The following MUC4 variants were observed in gnomAD, a reference collection of about 807,000 sequenced individuals.
MUC4 encodes mucin-4.
MUC4 carries 202 observed loss-of-function variants against 257.9 expected under a neutral mutation model. The observed-to-expected ratio is 0.78, with a 90% CI of 0.70 to 0.88. MUC4 has a LOEUF of 0.88. MUC4 is among the 40% of genes least tolerant of loss of function. The probability of loss-of-function intolerance (pLI) is 0.00; values close to 1 mark genes in which losing one functional copy is unlikely to be tolerated. For missense variants in MUC4, 5,976 were observed against 6,513.7 expected (o/e 0.92, Z 2.84); for synonymous variants, 2,351 against 2,757.1 (o/e 0.85, Z 4.62).
At chr3:195,799,052 T>TA (rs1211774483) in intron 1 of MUC4, among the ~76,000 whole-genome samples, 1 of 152,184 alleles carries the variant, frequency 6.6e-6, no homozygotes, top group African/African-American at 2.4e-5. Context: ...CATTTTCTGT[T>TA]AAACAGGAGC....
chr3:195,793,512 T>A (rs199827273), intron 1 of MUC4, among the ~76,000 whole-genome samples: 34 of 77,224 alleles, frequency 4.4e-4, no homozygotes, highest in East Asian at 2.2e-3. Context: ...AAAAAAAAAA[T>A]AAATAAATAA....
In MUC4 at chr3:195,760,469, G is replaced by GCGTCCAGCGCTA. The variant is rs879369914; in HGVS notation, c.14848+414_14848+415insTAGCGCTGGACG. The stretch of plus-strand genomic sequence containing the variant: ...GGCTGGAGTGCAGGGAGCTGGGAAG[G>GCGTCCAGCGCTA]GGTCCAGCGCTAGGATGGAGTGGAG... On this transcript the variant is annotated intron_variant, in intron 16 of 24. Transcript: ENST00000463781. 3.3e-5 allele frequency among the ~76,000 whole-genome samples: 5 copies of GCGTCCAGCGCTA among 150,876 alleles called. 1 individual carries two copies. The highest frequency in any genetic ancestry group is 6.6e-5 in the Admixed American group (1 of 15,144).
At chr3:195,802,954 A>C (rs1421243123) in intron 1 of MUC4, among the ~76,000 whole-genome samples, 2 of 151,524 alleles carry the variant, frequency 1.3e-5, no homozygotes, top group Admixed American at 1.3e-4. Flanking sequence ...CCCTTTTCTC[A>C]CGATCTGTAC....
chr3:195,759,777 G>A (rs1434175203), intron 16 of MUC4, among the ~76,000 whole-genome samples: 1 of 152,100 alleles, frequency 6.6e-6, no homozygotes, highest in African/African-American at 2.4e-5. Flanking sequence ...AAATTAGTCA[G>A]GCATGGTGGC....
rs752970875 is a variant in MUC4 at position 195,750,907 on chromosome 3, C to G, written c.15853G>C (p.Val5285Leu). Residue 5285 changes from valine to leucine, a missense_variant, in exon 23 of 25, where the codon GTG (valine) becomes CTG (leucine). By Grantham distance (32) the Val-to-Leu change is conservative. Around this residue, in one of 44 missense-constraint regions of MUC4, gnomAD observed 310 missense variants for 242.1 expected, o/e 1.28. Transcript: ENST00000463781. Reference sequence around the variant, plus strand: ...GACTCACGGGCTGTCACATCGCGCACGTCTTCCCCGGAGATGGGCTGGAAG... The same window carrying G: ...GACTCACGGGCTGTCACATCGCGCAGGTCTTCCCCGGAGATGGGCTGGAAG... ...VVFQPISGED[V>L]RDVTALNVST... The G allele has an allele frequency of 6.2e-7, 1 of 1,613,556 alleles. No homozygotes were observed. The highest frequency in any genetic ancestry group is 1.7e-5 in the Admixed American group (1 of 59,998).
In MUC4 at chr3:195,788,255, C is replaced by T. The variant is rs529638482; in HGVS notation, c.3325G>A (p.Asp1109Asn). The T allele has an allele frequency of 1.2e-5, 17 of 1,376,872 alleles. No individual in the cohort carries two copies. The African/African-American group carries it at 1.9e-4, about 15-fold the overall frequency. The allele number at this position is 1,376,872 out of a possible 1,614,324, so 85.3% of individuals were successfully genotyped here. A position where few individuals can be genotyped will look rare whatever the true frequency, so the allele number is the denominator to read the frequency against. Residue 1109 changes from aspartate to asparagine, a missense_variant, in exon 2 of 25, where the codon GAC becomes AAC. Asp to Asn is a conservative substitution (Grantham distance 23, BLOSUM62 1). Transcript: ENST00000463781. The stretch of plus-strand genomic sequence containing the variant: ...TGACCTGTGGATACTGAGGAAGTGT[C>T]GGTGACAGGAAGAGAGGTGGCGTGA... Reference protein sequence around the residue: ...TGHATSLPVTDTSSVSTGHTT... With the variant: ...TGHATSLPVTNTSSVSTGHTT...
intron 23 of MUC4, among the ~76,000 whole-genome samples, chr3:195,749,635 A>G (rs1715956649): frequency 6.6e-6 from 1 of 152,206 alleles, no homozygotes; most frequent in Admixed American, 6.5e-5. Context: ...TTAAAATATG[A>G]CACTATATTC....
intron 17 of MUC4, 56 bp downstream of exon 17, chr3:195,759,068 C>A: frequency 6.3e-7 from 1 of 1,597,482 alleles, no homozygotes; most frequent in Non-Finnish European, 8.5e-7. Flanking sequence ...AAATTTGACT[C>A]TGACCTCATC....
chr3:195,776,010 C>T (rs1463718252), intron 3 of MUC4, among the ~76,000 whole-genome samples: 109 of 36,602 alleles, frequency 3.0e-3, no homozygotes, highest in African/African-American at 0.01. Flanking sequence ...CCTTCCACAC[C>T]CATACCTTCC....
chr3:195,756,498 G>A (rs1295422950), intron 18 of MUC4, among the ~76,000 whole-genome samples: 1 of 151,986 alleles, frequency 6.6e-6, no homozygotes, highest in African/African-American at 2.4e-5. Flanking sequence ...AATAAAGTAA[G>A]GTTCTTTCCT....
chr3:195,803,774 C>T (rs993126531), intron 1 of MUC4, among the ~76,000 whole-genome samples: 5 of 152,220 alleles, frequency 3.3e-5, no homozygotes, highest in African/African-American at 4.8e-5. Context: ...AGCCATTGCT[C>T]GGAAGCTGCG....
Position 195,783,567 on chromosome 3 carries a change from C to T in MUC4, c.8013G>A (p.Thr2671=), listed in dbSNP as rs773690397. 50 of 81,496 alleles carry T rather than the reference C, an allele frequency of 6.1e-4. 6 individuals carry two copies. Among genetic ancestry groups the T allele is most frequent in the South Asian group, 5.6e-3 (49 of 8,804 alleles). The allele number at this position is 81,496 out of a possible 1,614,324, so 5.0% of individuals were successfully genotyped here. A position where few individuals can be genotyped will look rare whatever the true frequency, so the allele number is the denominator to read the frequency against. Residue 2671 remains threonine, a synonymous_variant, in exon 2 of 25, where the codon ACG becomes ACA. Coordinates refer to ENST00000463781, the MANE Select transcript of MUC4 (RefSeq NM_018406.7). ...AGGAAGGGCTAGTGACAGGAAGAGG[C>T]GTGGTGTCACCTGTGGATACTGAGG... is the stretch of plus-strand genomic sequence containing the variant. ...SLSSVSTGDT[T]PLPVTSPSSA... is the part of the protein sequence containing the mutation.
chr3:195,753,756 G>A (rs1405192662), intron 19 of MUC4: 2 of 188,214 alleles, frequency 1.1e-5, no homozygotes, highest in Non-Finnish European at 1.1e-5. Context: ...CTTTGCTGCC[G>A]GATCCCCACG....
intron 7 of MUC4, among the ~76,000 whole-genome samples, chr3:195,767,599 AT>A (rs1560262280): frequency 1.9e-5 from 2 of 103,674 alleles, no homozygotes; most frequent in Admixed American, 9.3e-5. Context: ...CACCACCACC[AT>A]CATCACCATT....
chr3:195,774,423 GC>G, intron 3 of MUC4, 118 bp from the exon 4 acceptor site: 2 of 1,282,200 alleles, frequency 1.6e-6, no homozygotes, highest in Non-Finnish European at 1.0e-6. Context: ...TTCCCCGAGG[GC>G]CCCAGAGGCA....
chr3:195,761,356 G>T (rs1210645788), intron 15 of MUC4, 128 bp downstream of exon 15: 2 of 865,462 alleles, frequency 2.3e-6, no homozygotes, highest in Admixed American at 4.4e-5. Context: ...GGACAGCCCT[G>T]GGGGGGCACA....
chr3:195,777,899 GCCATACCTTCCACA>G lies in MUC4; in HGVS notation c.12943+390_12943+403del, dbSNP rs1560290037. On this transcript the variant is annotated intron_variant, in intron 3 of 24. Coordinates refer to ENST00000463781, the MANE Select transcript of MUC4 (RefSeq NM_018406.7). Reference sequence around the variant, plus strand: ...ACCTTCCACACCCATACCTTCCACAGCCATACCTTCCACACCCATACCTTCCACACCCATACCTT... The same window carrying G: ...ACCTTCCACACCCATACCTTCCACAGCCCATACCTTCCACACCCATACCTT... 7.3e-3 allele frequency among the ~76,000 whole-genome samples: 233 copies of G among 32,010 alleles called. 24 individuals carry two copies. The highest frequency in any genetic ancestry group is 0.039 in the African/African-American group (150 of 3,894). The allele number at this position is 32,010 out of a possible 152,430, so 21.0% of individuals were successfully genotyped here.
chr3:195,767,489 C>CCATCGCCACCACCAT (rs1560260754), intron 7 of MUC4, among the ~76,000 whole-genome samples: 45 of 137,814 alleles, frequency 3.3e-4, no homozygotes, highest in Non-Finnish European at 5.3e-4. Flanking sequence ...ATCACCACCA[C>CCATCGCCACCACCAT]CATCACCATC....
chr3:195,761,848 G>GC (rs1423814185), intron 14 of MUC4, among the ~76,000 whole-genome samples: 2 of 152,082 alleles, frequency 1.3e-5, no homozygotes, highest in African/African-American at 2.4e-5. Context: ...GGATGGCTGT[G>GC]CCCCCCGCCT....
Sources: allele counts gnomAD v4.1 joint callset (sites outside exome capture counted in the v4.1 genomes callset), GRCh38; gene constraint gnomAD v4.1.1; regional missense constraint gnomAD v4.1.1; transcripts MANE v1.5; gene names NCBI Gene and HGNC (gene_info 2026-07-23, HGNC 2026-07-21).